ARHGEF12: variants seen among roughly 807,000 people sequenced by gnomAD.
The protein encoded by ARHGEF12 is KMT2A/ARHGEF12 fusion protein.
In ARHGEF12, 66 loss-of-function variants were observed where a neutral mutation model predicts 211.2. The observed-to-expected ratio is 0.31, with a 90% CI of 0.26 to 0.38. The LOEUF (loss-of-function observed/expected upper bound fraction) is 0.38, where lower values mean the gene tolerates loss of function less well. ARHGEF12 is among the 10% of genes least tolerant of loss of function. The pLI is 1.00. For synonymous variants in ARHGEF12, 592 were observed against 638.4 expected (o/e 0.93, Z 1.09); for missense variants, 1,429 against 1,869.5 (o/e 0.76, Z 4.34).
intron 32 of ARHGEF12, 23 bp downstream of exon 32, chr11:120,474,658 G>A: frequency 6.3e-7 from 1 of 1,576,802 alleles, no homozygotes; most frequent in Non-Finnish European, 8.6e-7. Flanking sequence ...TTGTCTTTTA[G>A]TTTTGGGGAG....
rs184284106 is a variant in ARHGEF12, at chr11:120,408,784, G to T, written c.143-610G>T. 2.0e-5 allele frequency: 3 copies of T among 151,782 alleles called. No individual in the cohort carries two copies. The East Asian group carries it at 5.8e-4, about 29-fold the overall frequency. 9.4% of individuals were successfully genotyped at this position (151,782 alleles called of 1,614,324 possible). A position where few individuals can be genotyped will look rare whatever the true frequency, so the allele number is the denominator to read the frequency against. On this transcript the variant is annotated intron_variant, in intron 3 of 40. Coordinates refer to ENST00000397843, the MANE Select transcript of ARHGEF12 (RefSeq NM_015313.3). ...ATAGATAATCATTTTCTGCATTTTG[G>T]GTAGTAGGTAAAATGAAATTCCAAT... is the stretch of plus-strand genomic sequence containing the variant.
chr11:120,365,046 C>T (rs186518658), intron 1 of ARHGEF12, among the ~76,000 whole-genome samples: 10 of 152,062 alleles, frequency 6.6e-5, no homozygotes, highest in Middle Eastern at 3.4e-3. Context: ...ATTGGCCTCC[C>T]GAAATGGTGG....
chr11:120,338,381 A>G (rs552204299), intron 1 of ARHGEF12, among the ~76,000 whole-genome samples: 9 of 152,334 alleles, frequency 5.9e-5, no homozygotes, highest in South Asian at 2.1e-4. Context: ...AAAAGGGCCA[A>G]ATTCCATTAT....
chr11:120,374,648 C>G (rs990568324), intron 1 of ARHGEF12, among the ~76,000 whole-genome samples: 1 of 152,102 alleles, frequency 6.6e-6, no homozygotes, highest in African/African-American at 2.4e-5. Context: ...AAGTTAACTT[C>G]CAGTATGCAG....
chr11:120,473,842 A>G (rs11217881), intron 31 of ARHGEF12, among the ~76,000 whole-genome samples: 29,566 of 152,280 alleles, frequency 0.19, 3,185 homozygotes, highest in Non-Finnish European at 0.23. Flanking sequence ...AATGTTTACT[A>G]ATTGCCACTT....
intron 40 of ARHGEF12, 32 bp from the exon 41 acceptor site, chr11:120,485,035 A>G (rs771681570): frequency 5.6e-6 from 9 of 1,607,588 alleles, no homozygotes; most frequent in South Asian, 1.1e-5. Flanking sequence ...CTTTTTCTTA[A>G]TATCATTTCC....
At position 120,449,009 on chromosome 11, in the gene ARHGEF12, T is replaced by C; in HGVS notation, c.1738-100T>C. On this transcript the variant is annotated intron_variant, in intron 20 of 40. Coordinates refer to ENST00000397843, the MANE Select transcript of ARHGEF12 (RefSeq NM_015313.3). ...CACGTGTACGGGTTTTCATTTACACTTAACAATTTCTTTGAACTAACCATT... is the reference window on the plus strand; with the variant it reads ...CACGTGTACGGGTTTTCATTTACACCTAACAATTTCTTTGAACTAACCATT... 4.9e-6 allele frequency: 5 copies of C among 1,012,918 alleles called. No individual in the cohort carries two copies. In the South Asian group the frequency reaches 8.0e-5, roughly 16 times the overall value. 62.7% of individuals were successfully genotyped at this position (1,012,918 alleles called of 1,614,324 possible). A position where few individuals can be genotyped will look rare whatever the true frequency, so the allele number is the denominator to read the frequency against.
chr11:120,391,486 A>G (rs1410240367), intron 1 of ARHGEF12, among the ~76,000 whole-genome samples: 4 of 152,164 alleles, frequency 2.6e-5, no homozygotes, highest in Non-Finnish European at 5.9e-5. Flanking sequence ...GGCCACATTG[A>G]GCATAGCTGC....
intron 20 of ARHGEF12, 40 bp downstream of exon 20, chr11:120,448,388 G>A: frequency 6.6e-7 from 1 of 1,508,620 alleles, no homozygotes; most frequent in Non-Finnish European, 9.2e-7. Flanking sequence ...CAGGCCTTAG[G>A]GCTTCTTTAC....
At chr11:120,387,851 T>C (rs1051945685) in intron 1 of ARHGEF12, among the ~76,000 whole-genome samples, 1 of 152,162 alleles carries the variant, frequency 6.6e-6, no homozygotes, top group Non-Finnish European at 1.5e-5. Context: ...TTAAAAGATA[T>C]TTCGTAAGGT....
At chr11:120,390,640 A>G (rs1228523781) in intron 1 of ARHGEF12, among the ~76,000 whole-genome samples, 3 of 152,190 alleles carry the variant, frequency 2.0e-5, no homozygotes, top group African/African-American at 7.2e-5. Context: ...CTACCTAAGT[A>G]TCTTGTCATT....
chr11:120,466,379 G>T (rs931196412), intron 28 of ARHGEF12, among the ~76,000 whole-genome samples: 3 of 152,232 alleles, frequency 2.0e-5, no homozygotes, highest in African/African-American at 7.2e-5. Flanking sequence ...TTTAGAGGTG[G>T]ATGTTTGCTT....
At chr11:120,388,763 T>C (rs1299397839) in intron 1 of ARHGEF12, among the ~76,000 whole-genome samples, 4 of 152,236 alleles carry the variant, frequency 2.6e-5, no homozygotes, top group Non-Finnish European at 4.4e-5. Context: ...ATACTTCTTT[T>C]GTGGATTGTC....
At chr11:120,463,951 G>A (rs1946619839) in intron 27 of ARHGEF12, 1 of 152,172 alleles carries the variant, frequency 6.6e-6, no homozygotes. Context: ...ACTTCTACGA[G>A]CACCTACTAG....
At chr11:120,339,634 A>G (rs1942469649) in intron 1 of ARHGEF12, among the ~76,000 whole-genome samples, 1 of 152,268 alleles carries the variant, frequency 6.6e-6, no homozygotes, top group African/African-American at 2.4e-5. Flanking sequence ...GAGTTCTTTC[A>G]TTGTGGTGCT....
rs151318674 is a variant in ARHGEF12, at chr11:120,409,152, T to C, written c.143-242T>C. The C allele has an allele frequency of 1.1e-3, 560 of 502,286 alleles. 3 individuals are homozygous for C. Among genetic ancestry groups the C allele is most frequent in the African/African-American group, 9.9e-3 (511 of 51,808 alleles). 31.1% of individuals were successfully genotyped at this position (502,286 alleles called of 1,614,324 possible). On this transcript the variant is annotated intron_variant, in intron 3 of 40. Coordinates refer to ENST00000397843, the MANE Select transcript of ARHGEF12 (RefSeq NM_015313.3). Reference sequence around the variant, plus strand: ...ATCAGGTGATATATTTTGTATACTATTCATGTGTTGTTTTGTTTGAACATA... The same window carrying C: ...ATCAGGTGATATATTTTGTATACTACTCATGTGTTGTTTTGTTTGAACATA...
At chr11:120,438,053 C>G (rs1470123425) in intron 12 of ARHGEF12, among the ~76,000 whole-genome samples, 1 of 152,134 alleles carries the variant, frequency 6.6e-6, no homozygotes, top group African/African-American at 2.4e-5. Context: ...TGTGGGTGTT[C>G]ATCAAGAAGA....
intron 27 of ARHGEF12, among the ~76,000 whole-genome samples, chr11:120,461,690 T>A (rs977998933): frequency 2.6e-5 from 4 of 152,234 alleles, no homozygotes; most frequent in African/African-American, 7.2e-5. Flanking sequence ...CTACATTGAA[T>A]ATCTGTTGTT....
chr11:120,345,713 A>AC (rs1942692602), intron 1 of ARHGEF12, among the ~76,000 whole-genome samples: 1 of 151,454 alleles, frequency 6.6e-6, no homozygotes, highest in African/African-American at 2.4e-5. Flanking sequence ...AAAAAAAAAA[A>AC]AAAAAAAACG....
Sources: allele counts gnomAD v4.1 joint callset (sites outside exome capture counted in the v4.1 genomes callset), GRCh38; gene constraint gnomAD v4.1.1; transcripts MANE v1.5; gene names NCBI Gene and HGNC (gene_info 2026-07-23, HGNC 2026-07-21).